The following DISC1 variants were observed in gnomAD, a reference collection of about 807,000 sequenced individuals.
DISC1 encodes disrupted in schizophrenia 1 protein.
Under a neutral mutation model 84.5 loss-of-function variants are expected in DISC1, and 57 were observed. The observed-to-expected ratio is 0.67, with a 90% confidence interval of 0.55 to 0.84. The LOEUF (loss-of-function observed/expected upper bound fraction) is 0.84. Among genes scored for constraint, DISC1 ranks in the 40% least tolerant of loss-of-function variants. The probability of loss-of-function intolerance (pLI) is 0.00; values close to 1 mark genes in which losing one functional copy is unlikely to be tolerated. For synonymous variants in DISC1, 411 were observed against 415.2 expected, an observed-to-expected ratio of 0.99 and a Z score of 0.12; for missense variants, 1,000 against 1,057.8, an observed-to-expected ratio of 0.95 and a Z score of 0.76.
intron 1 of DISC1, chr1:231,684,886 G>C (rs1260140462): frequency 6.6e-6 from 1 of 152,208 alleles, no homozygotes; most frequent in Non-Finnish European, 1.5e-5. Flanking sequence ...CTTTGCCTCT[G>C]GTGGAACTCC....
In DISC1 at chr1:231,758,373, C is replaced by G. The variant is rs75103165; in HGVS notation, c.1268+8297C>G. 3.3e-5 allele frequency among the ~76,000 whole-genome samples: 5 copies of G among 152,034 alleles called. No homozygotes were observed. The East Asian group carries it at 9.7e-4, about 29-fold the overall frequency. On this transcript the variant is annotated intron_variant, in intron 4 of 12. Transcript: ENST00000439617. ...AATCTAGTGGATTTTTTTTTTCCCA[C>G]TGGGTTTGAGTAGAAGAGTTTACTC...
At chr1:231,864,021 T>C (rs1310405186) in intron 9 of DISC1, among the ~76,000 whole-genome samples, 5 of 152,234 alleles carry the variant, frequency 3.3e-5, no homozygotes, top group Admixed American at 6.5e-5. Context: ...GCTGGTACTA[T>C]AGACTTTTTT....
chr1:231,750,271 A>G, intron 4 of DISC1, 195 bp downstream of exon 4: 1 of 1,379,934 alleles, frequency 7.2e-7, no homozygotes, highest in Non-Finnish European at 9.3e-7. Context: ...CATCTCTAGA[A>G]AGAAGACTTT....
Position 231,954,387 on chromosome 1 carries a change from A to G in DISC1, c.1982-4441A>G, listed in dbSNP as rs1659030981. Among the ~76,000 whole-genome samples the G allele has an allele frequency of 6.6e-6, 1 of 152,218 alleles. No individual in the cohort carries two copies. Among genetic ancestry groups the G allele is most frequent in the Non-Finnish European group, 1.5e-5 (1 of 68,042 alleles). On this transcript the variant is annotated intron_variant, in intron 9 of 12. Coordinates refer to ENST00000439617, the MANE Select transcript of DISC1 (RefSeq NM_018662.3). The surrounding 1 kb of genome is among the most constrained non-coding windows in gnomAD (Gnocchi z 4.8). The stretch of plus-strand genomic sequence containing the variant: ...TTTCACTGATTTATGGCATTTAATT[A>G]TCAATCTGTTAATCCAAGTTTTTGT...
In DISC1 at chr1:231,750,061, G is replaced by A. The variant is rs144959108; in HGVS notation, c.1253G>A (p.Arg418His). ...LAAQVQAALR[R>H]GATQQASGDD... Reference sequence around the variant, plus strand: ...GCACAAGTCCAGGCTGCCTTGCGCCGTGGGGCCACTCAGCAGTGAGTACTT... The same window carrying A: ...GCACAAGTCCAGGCTGCCTTGCGCCATGGGGCCACTCAGCAGTGAGTACTT... Residue 418 changes from arginine to histidine, a missense_variant, in exon 4 of 13, where the codon CGT (arginine) becomes CAT (histidine). Physicochemically the swap from Arg to His is conservative, Grantham distance 29. Around this residue, in one of 3 missense-constraint regions of DISC1, gnomAD observed 311 missense variants for 400.1 expected, o/e 0.78. Coordinates refer to ENST00000439617, the MANE Select transcript of DISC1 (RefSeq NM_018662.3). 4.2e-4 allele frequency: 684 copies of A among 1,613,946 alleles called. 1 individual carries two copies. The highest frequency in any genetic ancestry group is 4.0e-3 in the Middle Eastern group (24 of 6,044).
intron 9 of DISC1, among the ~76,000 whole-genome samples, chr1:231,856,532 A>G (rs1558656655): frequency 6.6e-6 from 1 of 152,128 alleles, no homozygotes; most frequent in Non-Finnish European, 1.5e-5. Flanking sequence ...ATTCTCTCTC[A>G]TGTCCCTGCT....
At chr1:231,667,055 C>G (rs1046111319) in intron 1 of DISC1, among the ~76,000 whole-genome samples, 1 of 152,196 alleles carries the variant, frequency 6.6e-6, no homozygotes, top group Non-Finnish European at 1.5e-5. Flanking sequence ...CTATGATCCC[C>G]TTGCACAGCC....
At chr1:231,832,882 A>G (rs1474154725) in intron 9 of DISC1, among the ~76,000 whole-genome samples, 1 of 141,734 alleles carries the variant, frequency 7.1e-6, no homozygotes, top group South Asian at 2.3e-4. Flanking sequence ...ATAGGCTTTA[A>G]AAGGCCATGC....
At chr1:231,881,397 C>G (rs915256646) in intron 9 of DISC1, among the ~76,000 whole-genome samples, 2 of 152,072 alleles carry the variant, frequency 1.3e-5, no homozygotes, top group African/African-American at 2.4e-5. Context: ...TGTAGGTGGC[C>G]GTCTTCTCCC....
intron 1 of DISC1, among the ~76,000 whole-genome samples, chr1:231,648,739 G>A (rs1221902314): frequency 6.6e-6 from 1 of 152,166 alleles, no homozygotes; most frequent in Non-Finnish European, 1.5e-5. Context: ...TTCAGATCCT[G>A]TTATTGGTCT....
At chr1:231,723,310 A>G (rs1465421651) in intron 3 of DISC1, 3 of 985,976 alleles carry the variant, frequency 3.0e-6, no homozygotes, top group East Asian at 1.1e-4. Flanking sequence ...AGGGTCAACC[A>G]TAACTGCAGG....
chr1:231,672,027 T>C (rs2062674955), intron 1 of DISC1, among the ~76,000 whole-genome samples: 1 of 152,202 alleles, frequency 6.6e-6, no homozygotes, highest in Non-Finnish European at 1.5e-5. Context: ...CTTTATTCCA[T>C]TATATTGTGC....
At chr1:231,805,904 G>A (rs749044883) in intron 8 of DISC1, among the ~76,000 whole-genome samples, 6 of 152,186 alleles carry the variant, frequency 3.9e-5, no homozygotes, top group Admixed American at 2.0e-4. Context: ...GGGCCATACA[G>A]TTAGTAGAGA....
At chr1:231,829,557 G>A (rs2082079348) in intron 9 of DISC1, among the ~76,000 whole-genome samples, 1 of 152,144 alleles carries the variant, frequency 6.6e-6, no homozygotes, top group South Asian at 2.1e-4. Context: ...ATGCCATGTT[G>A]CCTAGAGTGG....
At chr1:232,017,908 A>C (rs1046781130) in intron 11 of DISC1, among the ~76,000 whole-genome samples, 1 of 152,164 alleles carries the variant, frequency 6.6e-6, no homozygotes, top group African/African-American at 2.4e-5. Flanking sequence ...CCCTCCCTTT[A>C]GAATAACTCT....
chr1:231,795,441 T>C, intron 7 of DISC1, 145 bp downstream of exon 7: 37 of 642,606 alleles, frequency 5.8e-5, no homozygotes, highest in East Asian at 9.0e-5. Flanking sequence ...AATGATGAGT[T>C]AAAAGAGCCA....
rs74573115 is a variant in DISC1 at position 231,763,985 on chromosome 1, A to C, written c.1269-3155A>C. Among the ~76,000 whole-genome samples, 5 of 152,328 alleles carry C rather than the reference A, an allele frequency of 3.3e-5. No homozygotes were observed. The East Asian group carries it at 9.6e-4, about 29-fold the overall frequency. ...GGATCAGTTACTCATTTTCTTTTCT[A>C]AGAAATGCGGAGGCAGTGCGACCCT... On this transcript the variant is annotated intron_variant, in intron 4 of 12. Coordinates refer to ENST00000439617, the MANE Select transcript of DISC1 (RefSeq NM_018662.3).
At chr1:231,740,609 G>A (rs1472921978) in intron 3 of DISC1, among the ~76,000 whole-genome samples, 1 of 152,180 alleles carries the variant, frequency 6.6e-6, no homozygotes, top group Non-Finnish European at 1.5e-5. Flanking sequence ...ATTACAGGTT[G>A]AGTACCTCTT....
chr1:231,690,853 T>C (rs1048477065), intron 1 of DISC1, among the ~76,000 whole-genome samples: 1 of 152,170 alleles, frequency 6.6e-6, no homozygotes, highest in African/African-American at 2.4e-5. Flanking sequence ...CAGTCTTTGC[T>C]ATTCAGGCCA....
Sources: allele counts gnomAD v4.1 joint callset (sites outside exome capture counted in the v4.1 genomes callset), GRCh38; gene constraint gnomAD v4.1.1; regional missense constraint gnomAD v4.1.1; non-coding constraint Gnocchi (gnomAD v3.1); transcripts MANE v1.5; gene names NCBI Gene and HGNC (gene_info 2026-07-23, HGNC 2026-07-21).